The following MPZL1 variants were observed in gnomAD, a reference collection of about 807,000 sequenced individuals.
MPZL1 encodes the protein myelin protein zero-like protein 1.
A neutral mutation model predicts 29.3 loss-of-function variants in MPZL1; 16 were observed. That is an observed-to-expected ratio of 0.55 (90% confidence interval 0.37 to 0.83). The LOEUF (loss-of-function observed/expected upper bound fraction) is 0.83, where lower values mean the gene tolerates loss of function less well. Among genes scored for constraint, MPZL1 ranks in the 40% least tolerant of loss-of-function variants. The probability of loss-of-function intolerance (pLI) is 0.00; values close to 1 mark genes in which losing one functional copy is unlikely to be tolerated. For missense variants in MPZL1, 279 were observed against 332.9 expected (o/e 0.84, Z 1.26); for synonymous variants, 143 against 132.0 (o/e 1.08, Z -0.57).
intron 1 of MPZL1, among the ~76,000 whole-genome samples, chr1:167,723,267 A>C (rs1660077311): frequency 6.6e-6 from 1 of 152,266 alleles, no homozygotes; most frequent in African/African-American, 2.4e-5. Context: ...TGAATACCAG[A>C]GTTTACTCAG....
chr1:167,722,511 C>A (rs768985479), intron 1 of MPZL1, among the ~76,000 whole-genome samples: 1 of 151,982 alleles, frequency 6.6e-6, no homozygotes, highest in African/African-American at 2.4e-5. Context: ...TGCTCCTTCC[C>A]GGGGGGCGGT....
intron 1 of MPZL1, among the ~76,000 whole-genome samples, chr1:167,726,217 T>A (rs776800711): frequency 6.6e-6 from 1 of 152,226 alleles, no homozygotes; most frequent in Non-Finnish European, 1.5e-5. Flanking sequence ...GTTCTGATGT[T>A]GCCCAGGGCT....
intron 1 of MPZL1, among the ~76,000 whole-genome samples, chr1:167,742,058 C>G (rs1368635884): frequency 4.7e-5 from 7 of 149,764 alleles, no homozygotes; most frequent in African/African-American, 7.4e-5. Context: ...GTTGGGAGGT[C>G]AAGGCAAGTG....
At chr1:167,737,427 G>A (rs1372806226) in intron 1 of MPZL1, among the ~76,000 whole-genome samples, 2 of 152,182 alleles carry the variant, frequency 1.3e-5, no homozygotes, top group Non-Finnish European at 2.9e-5. Flanking sequence ...AGGGAACTGG[G>A]CCAAGATCAG....
rs529685412 is a variant in MPZL1 at position 167,727,002 on chromosome 1, C to A, written c.91+4760C>A. Among the ~76,000 whole-genome samples the A allele has an allele frequency of 4.0e-5, 6 of 151,258 alleles. No individual in the cohort carries two copies. The East Asian group carries it at 1.2e-3, about 29-fold the overall frequency. On this transcript the variant is annotated intron_variant, in intron 1 of 5. Transcript: ENST00000359523. ...CAGATTAAATTCCCAACAATCACAACTTTTAAGAAAATATGATTGATCTAA... is the reference window on the plus strand; with the variant it reads ...CAGATTAAATTCCCAACAATCACAAATTTTAAGAAAATATGATTGATCTAA...
At chr1:167,780,506 T>C (rs1661476019) in intron 5 of MPZL1, among the ~76,000 whole-genome samples, 1 of 152,174 alleles carries the variant, frequency 6.6e-6, no homozygotes, top group Non-Finnish European at 1.5e-5. Context: ...AGTCCATCAG[T>C]ATACAAGTGG....
chr1:167,741,565 T>G (rs999648670), intron 1 of MPZL1, among the ~76,000 whole-genome samples: 1 of 151,856 alleles, frequency 6.6e-6, no homozygotes, highest in Non-Finnish European at 1.5e-5. Flanking sequence ...CCTCAAGTGA[T>G]CTGCTCGCCT....
At position 167,722,212 on chromosome 1, in the gene MPZL1, T is replaced by C; in HGVS notation, c.61T>C (p.Trp21Arg). ...AGCCCCAGACAGCCGGCGCTGGCTG[T>C]GGTCGGTGCTGGCGGCGGCGCTTGG... ...IAAPDSRRWL[W>R]SVLAAALGLL... Residue 21 changes from tryptophan to arginine, a missense_variant, in exon 1 of 6, where the codon TGG (tryptophan) becomes CGG (arginine). Physicochemically the swap from Trp to Arg is moderately radical, Grantham distance 101 (BLOSUM62 -3). Coordinates refer to ENST00000359523, the MANE Select transcript of MPZL1 (RefSeq NM_003953.6). 1.6e-6 allele frequency: 2 copies of C among 1,238,930 alleles called. No homozygotes were observed. Among genetic ancestry groups the C allele is most frequent in the South Asian group, 4.1e-5 (1 of 24,454 alleles). 76.7% of individuals were successfully genotyped at this position (1,238,930 alleles called of 1,614,324 possible). A position where few individuals can be genotyped will look rare whatever the true frequency, so the allele number is the denominator to read the frequency against.
intron 4 of MPZL1, among the ~76,000 whole-genome samples, chr1:167,775,129 A>G (rs190006638): frequency 6.6e-6 from 1 of 152,230 alleles, no homozygotes; most frequent in East Asian, 1.9e-4. Context: ...CTTTTTTCAT[A>G]TATGTATTAT....
chr1:167,743,920 C>T (rs1293681129), intron 1 of MPZL1, among the ~76,000 whole-genome samples: 3 of 151,964 alleles, frequency 2.0e-5, no homozygotes, highest in Admixed American at 1.3e-4. Context: ...TCTGATTTCT[C>T]GGGCTAGGAC....
chr1:167,769,598 G>T (rs1373190560), intron 2 of MPZL1, among the ~76,000 whole-genome samples: 1 of 152,180 alleles, frequency 6.6e-6, no homozygotes, highest in Non-Finnish European at 1.5e-5. Context: ...AGGAGTCCGT[G>T]TCTTCTGTCA....
chr1:167,784,013 G>A (rs1661543654), intron 5 of MPZL1, among the ~76,000 whole-genome samples: 2 of 152,208 alleles, frequency 1.3e-5, no homozygotes, highest in Admixed American at 1.3e-4. Flanking sequence ...TACAGAGACT[G>A]TGAAAGGTGT....
intron 5 of MPZL1, 58 bp downstream of exon 5, chr1:167,776,224 C>T: frequency 7.8e-7 from 1 of 1,277,164 alleles, no homozygotes; most frequent in Non-Finnish European, 1.1e-6. Flanking sequence ...GGTGCTCTGT[C>T]ACTTCCTTGG....
rs769743210 is a variant in MPZL1, at chr1:167,765,631, T to A, written c.140T>A (p.Phe47Tyr). 19 of 1,613,074 alleles carry A rather than the reference T, an allele frequency of 1.2e-5. No homozygotes were observed. The highest frequency in any genetic ancestry group is 1.6e-5 in the Non-Finnish European group (19 of 1,179,598). The part of the protein sequence containing the change: ...ALEVYTPKEI[F>Y]VANGTQGKLT... ...GAAGTATATACGCCAAAAGAAATCT[T>A]CGTGGCAAATGGTACACAAGGGAAG... Residue 47 changes from phenylalanine to tyrosine, a missense_variant, in exon 2 of 6, where the codon TTC becomes TAC. By Grantham distance (22) the Phe-to-Tyr change is conservative. Transcript: ENST00000359523.
At chr1:167,764,326 C>T (rs1454913283) in intron 1 of MPZL1, among the ~76,000 whole-genome samples, 2 of 152,054 alleles carry the variant, frequency 1.3e-5, no homozygotes, top group Non-Finnish European at 2.9e-5. Context: ...TATTGCAGAT[C>T]TTGAAAAAAG....
At chr1:167,749,463 A>G (rs937432745) in intron 1 of MPZL1, among the ~76,000 whole-genome samples, 5 of 152,222 alleles carry the variant, frequency 3.3e-5, no homozygotes, top group African/African-American at 9.6e-5. Flanking sequence ...TTAGGGGAAA[A>G]TCTTGAAATA....
chr1:167,729,799 A>T (rs1660225970), intron 1 of MPZL1, among the ~76,000 whole-genome samples: 1 of 152,194 alleles, frequency 6.6e-6, no homozygotes, highest in South Asian at 2.1e-4. Flanking sequence ...ACTATGTGCC[A>T]CGCCTTTGCT....
intron 1 of MPZL1, among the ~76,000 whole-genome samples, chr1:167,731,728 G>A (rs1198004631): frequency 6.6e-5 from 10 of 150,954 alleles, no homozygotes; most frequent in Admixed American, 2.6e-4. Context: ...GTGAGCCACC[G>A]CACCCAGCCT....
At chr1:167,780,884 A>G (rs1408666557) in intron 5 of MPZL1, among the ~76,000 whole-genome samples, 2 of 152,180 alleles carry the variant, frequency 1.3e-5, no homozygotes, top group Non-Finnish European at 2.9e-5. Flanking sequence ...TATGTTATAT[A>G]TATTTTACCA....
Sources: allele counts gnomAD v4.1 joint callset (sites outside exome capture counted in the v4.1 genomes callset), GRCh38; gene constraint gnomAD v4.1.1; transcripts MANE v1.5; gene names NCBI Gene and HGNC (gene_info 2026-07-23, HGNC 2026-07-21).